The following PLCD4 variants were observed in gnomAD, a reference collection of about 807,000 sequenced individuals.
PLCD4 encodes 1-phosphatidylinositol 4,5-bisphosphate phosphodiesterase delta-4.
A neutral mutation model predicts 90.2 loss-of-function variants in PLCD4; 63 were observed. That is an observed-to-expected ratio of 0.70 (90% CI 0.57 to 0.86). PLCD4 has a LOEUF of 0.86. PLCD4 is among the 40% of genes least tolerant of loss of function. The pLI is 0.00. For missense variants in PLCD4, 830 were observed against 956.3 expected, an observed-to-expected ratio of 0.87 and a Z score of 1.74; for synonymous variants, 294 against 356.5, an observed-to-expected ratio of 0.82 and a Z score of 1.97.
At chr2:218,630,456 T>C (rs1314341470) in intron 8 of PLCD4, among the ~76,000 whole-genome samples, 194 bp from the exon 9 acceptor site, 1 of 152,214 alleles carries the variant, frequency 6.6e-6, no homozygotes, top group Non-Finnish European at 1.5e-5. Context: ...TGTCTTTAGA[T>C]GTGGGCAGTG....
At chr2:218,636,209 A>G (rs770921320) in intron 14 of PLCD4, 34 bp from the exon 15 acceptor site, 2 of 1,594,976 alleles carry the variant, frequency 1.3e-6, no homozygotes, top group Non-Finnish European at 1.7e-6. Context: ...AACTGTCATA[A>G]TGTCTTCTTA....
chr2:218,623,575 AT>A (rs1394083778), intron 6 of PLCD4, among the ~76,000 whole-genome samples: 1 of 152,210 alleles, frequency 6.6e-6, no homozygotes, highest in Non-Finnish European at 1.5e-5. Context: ...CACGTTCCTC[AT>A]TTCATTTAGT....
intron 5 of PLCD4, chr2:218,622,030 A>C (rs1695903178): frequency 6.7e-6 from 1 of 149,914 alleles, no homozygotes; most frequent in Admixed American, 6.9e-5. Flanking sequence ...CAGTGAGCCG[A>C]GATCATGCCA....
intron 1 of PLCD4, among the ~76,000 whole-genome samples, chr2:218,611,066 A>G (rs1695313331): frequency 6.6e-6 from 1 of 152,046 alleles, no homozygotes; most frequent in African/African-American, 2.4e-5. Flanking sequence ...TCACTCATTA[A>G]ATGACTCTGG....
chr2:218,622,911 T>C lies in PLCD4; in HGVS notation c.772+33T>C, dbSNP rs115607760. The C allele has an allele frequency of 2.9e-3, 4,560 of 1,576,662 alleles. 113 individuals are homozygous for C. The African/African-American group carries it at 0.055, about 19-fold the overall frequency. ...AAATCAGGTGGAGAGGCACCAGACA[T>C]AGGGGTTGGAGAGAGGGACATGATT... On this transcript the variant is annotated intron_variant, in intron 6 of 15. Coordinates refer to ENST00000450993, the MANE Select transcript of PLCD4 (RefSeq NM_032726.4).
In PLCD4 at chr2:218,621,474, C is replaced by T; in HGVS notation, c.415C>T (p.Leu139=). 1 of 1,613,882 alleles carries T rather than the reference C, an allele frequency of 6.2e-7. No individual in the cohort carries two copies. The highest frequency in any genetic ancestry group is 8.5e-7 in the Non-Finnish European group (1 of 1,179,808). Residue 139 remains leucine, a synonymous_variant, in exon 5 of 16, where the codon CTG becomes TTG. Transcript: ENST00000450993. ...TTTGCCTTGACTCATACCTGGATGG[C>T]TGAGCGATTGGTTTCAACGTGGAGA... The part of the protein sequence containing the change: ...MDHQERLDQW[L]SDWFQRGDKN...
intron 14 of PLCD4, 35 bp from the exon 15 acceptor site, chr2:218,636,205 CATA>C: frequency 2.5e-6 from 4 of 1,589,812 alleles, no homozygotes; most frequent in Non-Finnish European, 3.5e-6. Flanking sequence ...AGAAAACTGT[CATA>C]ATGTCTTCTT....
chr2:218,628,206 A>C lies in PLCD4; in HGVS notation c.950A>C (p.Gln317Pro). The change falls in exon 7 of 16, where the codon CAG (glutamine) becomes CCG (proline). Residue 317 changes from glutamine to proline, a missense_variant. By Grantham distance (76) the Gln-to-Pro change is moderately conservative. Coordinates refer to ENST00000450993, the MANE Select transcript of PLCD4 (RefSeq NM_032726.4). ...CTAGTGGGGGACCAGCTTTGTGGCC[A>C]GAGCAGCGTCGAGGGATATATACGG... ...TYLVGDQLCG[Q>P]SSVEGYIRAL... 6.2e-7 allele frequency: 1 copy of C among 1,614,026 alleles called. No individual in the cohort carries two copies. Among genetic ancestry groups the C allele is most frequent in the Non-Finnish European group, 8.5e-7 (1 of 1,179,884 alleles).
chr2:218,625,085 A>C (rs1199654927), intron 6 of PLCD4, among the ~76,000 whole-genome samples: 1 of 144,964 alleles, frequency 6.9e-6, no homozygotes, highest in African/African-American at 2.6e-5. Context: ...ACTGCACTCC[A>C]GCCTGGGCGA....
chr2:218,613,193 C>A (rs1695418518), intron 1 of PLCD4, among the ~76,000 whole-genome samples: 1 of 151,906 alleles, frequency 6.6e-6, no homozygotes, highest in South Asian at 2.1e-4. Flanking sequence ...GTGTTTGAGA[C>A]CAGCCTGGCC....
At chr2:218,620,612 A>G (rs1042442558) in intron 4 of PLCD4, among the ~76,000 whole-genome samples, 11 of 151,800 alleles carry the variant, frequency 7.2e-5, no homozygotes, top group African/African-American at 2.7e-4. Flanking sequence ...GCTACTTGAG[A>G]GGCTGAGGTG....
At chr2:218,632,432 A>G (rs1232472373) in intron 10 of PLCD4, 120 bp downstream of exon 10, 1 of 998,606 alleles carries the variant, frequency 1.0e-6, no homozygotes, top group Non-Finnish European at 1.4e-6. Context: ...CCTTCCTCCC[A>G]ATGAAGGAGA....
At chr2:218,623,946 G>C (rs913343002) in intron 6 of PLCD4, among the ~76,000 whole-genome samples, 1 of 152,210 alleles carries the variant, frequency 6.6e-6, no homozygotes, top group Non-Finnish European at 1.5e-5. Context: ...ACCTCCCAAA[G>C]TGCTGGGATT....
chr2:218,629,426 TG>T (rs773251435), intron 7 of PLCD4, 92 bp from the exon 8 acceptor site: 285 of 1,429,792 alleles, frequency 2.0e-4, no homozygotes, highest in Non-Finnish European at 2.5e-4. Context: ...TAAGTGCTGG[TG>T]AGCACTGTTC....
intron 4 of PLCD4, among the ~76,000 whole-genome samples, chr2:218,620,891 C>T (rs1249723832): frequency 1.8e-5 from 1 of 55,024 alleles, no homozygotes; most frequent in Non-Finnish European, 3.0e-5. Flanking sequence ...GAGACTCTGT[C>T]TCAAAAAAAA....
intron 1 of PLCD4, chr2:218,609,475 A>C (rs1028059914): frequency 6.6e-6 from 1 of 152,204 alleles, no homozygotes; most frequent in African/African-American, 2.4e-5. Flanking sequence ...AGAGGTAATT[A>C]CCATATCATT....
chr2:218,620,523 T>G (rs1209608517), intron 4 of PLCD4, among the ~76,000 whole-genome samples: 1 of 150,742 alleles, frequency 6.6e-6, no homozygotes, highest in Non-Finnish European at 1.5e-5. Flanking sequence ...TTTTCTTTAA[T>G]TATAAAAGAA....
intron 1 of PLCD4, among the ~76,000 whole-genome samples, chr2:218,611,900 G>A (rs1167456247): frequency 1.3e-5 from 2 of 151,742 alleles, no homozygotes; most frequent in Admixed American, 1.3e-4. Context: ...CACCCTGCTA[G>A]ACCTAAGAGA....
intron 1 of PLCD4, among the ~76,000 whole-genome samples, chr2:218,614,142 C>T (rs540304417): frequency 6.6e-6 from 1 of 151,970 alleles, no homozygotes; most frequent in East Asian, 1.9e-4. Flanking sequence ...GCCTCAGCCT[C>T]CTGAGTAGCT....
Sources: gnomAD v4.1 joint callset for allele counts (sites outside exome capture counted in the v4.1 genomes callset) on GRCh38, gnomAD v4.1.1 for gene constraint, MANE v1.5 for transcripts, NCBI Gene and HGNC (gene_info 2026-07-23, HGNC 2026-07-21) for gene names.